The following CCSER1 variants were observed in gnomAD, a reference collection of about 807,000 sequenced individuals.
CCSER1 encodes the protein serine-rich coiled-coil domain-containing protein 1.
A neutral mutation model predicts 82.0 loss-of-function variants in CCSER1; 41 were observed. That is an observed-to-expected ratio of 0.50 (90% CI 0.39 to 0.65). The LOEUF (loss-of-function observed/expected upper bound fraction) is 0.65. Among genes scored for constraint, CCSER1 ranks in the 30% least tolerant of loss-of-function variants. The pLI is 0.00. For synonymous variants in CCSER1, 414 were observed against 383.9 expected, an observed-to-expected ratio of 1.08 and a Z score of -0.92; for missense variants, 1,119 against 1,064.2, an observed-to-expected ratio of 1.05 and a Z score of -0.72.
intron 8 of CCSER1, among the ~76,000 whole-genome samples, chr4:90,855,684 A>G (rs1233377331): frequency 6.6e-6 from 1 of 152,140 alleles, no homozygotes; most frequent in African/African-American, 2.4e-5. Context: ...AGTGATATTT[A>G]TTAATTGATT....
chr4:90,723,831 G>T, intron 6 of CCSER1, 83 bp from the exon 7 acceptor site: 1 of 560,116 alleles, frequency 1.8e-6, no homozygotes, highest in African/African-American at 2.0e-5. Flanking sequence ...TTATTTTAAT[G>T]ATTTATTTAT....
chr4:91,053,669 C>T (rs1406264410), intron 9 of CCSER1, among the ~76,000 whole-genome samples: 2 of 152,204 alleles, frequency 1.3e-5, no homozygotes, highest in East Asian at 3.9e-4. Flanking sequence ...TCCCCAGATG[C>T]AATCACTGTC....
chr4:90,652,592 C>A (rs937171625), intron 6 of CCSER1, among the ~76,000 whole-genome samples: 8 of 152,090 alleles, frequency 5.3e-5, no homozygotes, highest in African/African-American at 1.9e-4. Context: ...GAACAATATT[C>A]TTTTTCTTCT....
intron 8 of CCSER1, among the ~76,000 whole-genome samples, chr4:90,845,409 T>G (rs1194246733): frequency 2.0e-5 from 3 of 151,792 alleles, no homozygotes; most frequent in Non-Finnish European, 1.5e-5. Context: ...TGAAATAGAT[T>G]TATTGAAACC....
At chr4:90,393,443 A>G (rs996932586) in intron 3 of CCSER1, among the ~76,000 whole-genome samples, 1 of 152,204 alleles carries the variant, frequency 6.6e-6, no homozygotes, top group Non-Finnish European at 1.5e-5. Context: ...TGACTAGAAG[A>G]ATGCTGACTA....
intron 5 of CCSER1, among the ~76,000 whole-genome samples, chr4:90,604,827 A>T (rs1445021382): frequency 6.6e-6 from 1 of 152,168 alleles, no homozygotes; most frequent in Non-Finnish European, 1.5e-5. Context: ...CTGTGTGTCC[A>T]GCTCAAGGTT....
At chr4:90,775,813 A>G (rs1752816974) in intron 7 of CCSER1, among the ~76,000 whole-genome samples, 1 of 152,038 alleles carries the variant, frequency 6.6e-6, no homozygotes, top group African/African-American at 2.4e-5. Flanking sequence ...TGTAAAACAG[A>G]TATTTAAAAA....
intron 6 of CCSER1, among the ~76,000 whole-genome samples, chr4:90,651,135 T>A (rs1039921545): frequency 1.3e-5 from 2 of 152,192 alleles, no homozygotes; most frequent in African/African-American, 2.4e-5. Flanking sequence ...TCCACTCATA[T>A]CTATTTCATC....
intron 8 of CCSER1, among the ~76,000 whole-genome samples, chr4:90,902,678 A>G (rs1724833669): frequency 6.6e-6 from 1 of 152,098 alleles, no homozygotes. Context: ...GGAAGGACTC[A>G]GGAAGCTTAT....
chr4:90,516,363 A>G (rs1772267343), intron 5 of CCSER1, among the ~76,000 whole-genome samples: 1 of 152,194 alleles, frequency 6.6e-6, no homozygotes. Flanking sequence ...AAAGCTGGAT[A>G]CAGGCATTAT....
chr4:91,508,734 G>C (rs1759666606), intron 10 of CCSER1, among the ~76,000 whole-genome samples: 1 of 151,756 alleles, frequency 6.6e-6, no homozygotes. Flanking sequence ...CTTTTCATGG[G>C]AGTTTTTACT....
intron 5 of CCSER1, among the ~76,000 whole-genome samples, chr4:90,469,524 A>AAC (rs3971380): frequency 0.16 from 21,507 of 136,222 alleles, 1,581 homozygotes; most frequent in Admixed American, 0.2. Context: ...TTTCCTGCAA[A>AAC]ACACACACAC....
intron 10 of CCSER1, among the ~76,000 whole-genome samples, chr4:91,193,782 G>C (rs908256685): frequency 6.6e-6 from 1 of 150,876 alleles, no homozygotes; most frequent in African/African-American, 2.4e-5. Flanking sequence ...TTGCTTATAT[G>C]TCTTTACTTC....
chr4:91,352,539 C>T (rs913716985), intron 10 of CCSER1, among the ~76,000 whole-genome samples: 2 of 152,026 alleles, frequency 1.3e-5, no homozygotes, highest in Non-Finnish European at 2.9e-5. Flanking sequence ...CCACCGTGCC[C>T]GGCAGGAAGA....
At chr4:90,636,001 C>G (rs1045766804) in intron 6 of CCSER1, among the ~76,000 whole-genome samples, 1 of 151,448 alleles carries the variant, frequency 6.6e-6, no homozygotes, top group Non-Finnish European at 1.5e-5. Flanking sequence ...AAATTAAAAA[C>G]AAATAATAAG....
At chr4:90,753,946 A>G (rs1749111085) in intron 7 of CCSER1, among the ~76,000 whole-genome samples, 1 of 152,142 alleles carries the variant, frequency 6.6e-6, no homozygotes, top group Non-Finnish European at 1.5e-5. Flanking sequence ...CGTCTGTATC[A>G]TCCTGTCTTC....
At chr4:90,501,302 G>T (rs1010617172) in intron 5 of CCSER1, among the ~76,000 whole-genome samples, 2 of 151,978 alleles carry the variant, frequency 1.3e-5, no homozygotes, top group Non-Finnish European at 2.9e-5. Context: ...TTAAATTTCC[G>T]GTCTTTAAAG....
At chr4:90,543,201 C>T (rs1776318602) in intron 5 of CCSER1, among the ~76,000 whole-genome samples, 1 of 151,994 alleles carries the variant, frequency 6.6e-6, no homozygotes, top group Admixed American at 6.6e-5. Flanking sequence ...ATTATAATAG[C>T]CATATATAGA....
At position 90,637,298 on chromosome 4, in the gene CCSER1, G is replaced by A. The variant is rs571389054; in HGVS notation, c.1932+9066G>A. On this transcript the variant is annotated intron_variant, in intron 6 of 10. Coordinates refer to ENST00000509176, the MANE Select transcript of CCSER1 (RefSeq NM_001145065.2). The stretch of plus-strand genomic sequence containing the variant: ...TCCTTACCATGTAGCCTTTTCGCTG[G>A]TCAACATGGCAGTTGGCTTCCCCCT... Among the ~76,000 whole-genome samples, 200 of 152,106 alleles carry A rather than the reference G, an allele frequency of 1.3e-3. 1 individual carries two copies. The highest frequency in any genetic ancestry group is 2.1e-3 in the Non-Finnish European group (142 of 67,974).
Sources: gnomAD v4.1 joint callset for allele counts (sites outside exome capture counted in the v4.1 genomes callset) on GRCh38, gnomAD v4.1.1 for gene constraint, MANE v1.5 for transcripts, NCBI Gene and HGNC (gene_info 2026-07-23, HGNC 2026-07-21) for gene names.